The following SORD variants were observed in gnomAD, a reference collection of about 807,000 sequenced individuals.
SORD encodes the protein sorbitol dehydrogenase, also known as (R,R)-butanediol dehydrogenase.
SORD carries 18 observed loss-of-function variants against 35.6 expected under a neutral mutation model. The observed-to-expected ratio is 0.51, with a 90% confidence interval of 0.35 to 0.75. The LOEUF is 0.75. Ranked by LOEUF, SORD falls within the 30% of genes least tolerant of loss-of-function variation. SORD has a pLI of 0.01. For missense variants in SORD, 250 were observed against 390.2 expected (o/e 0.64, Z 3.03); for synonymous variants, 106 against 152.9 (o/e 0.69, Z 2.26).
chr15:45,040,494 T>C lies in SORD; in HGVS notation c.100+53T>C. ...TTTTATTATTTCCTGTTGTTTCCTT[T>C]GGAGTCACATGTATATTGTTCCCTT... On this transcript the variant is annotated intron_variant, in intron 2 of 8. Transcript: ENST00000267814. 4.5e-6 allele frequency: 6 copies of C among 1,320,048 alleles called. No individual in the cohort carries two copies. The South Asian group carries it at 7.2e-5, about 16-fold the overall frequency. The allele number at this position is 1,320,048 out of a possible 1,614,324, so 81.8% of individuals were successfully genotyped here.
chr15:45,050,067 C>T (rs931154587), intron 3 of SORD, among the ~76,000 whole-genome samples: 7 of 152,140 alleles, frequency 4.6e-5, no homozygotes, highest in Non-Finnish European at 8.8e-5. Context: ...CTCTGTTTTG[C>T]GAGGAACTTC....
chr15:45,051,518 T>C (rs1032815825), intron 3 of SORD, among the ~76,000 whole-genome samples: 1 of 152,222 alleles, frequency 6.6e-6, no homozygotes, highest in Non-Finnish European at 1.5e-5. Context: ...CTTGATATTA[T>C]GAAGTACAAT....
chr15:45,058,780 T>A (rs1166742222), intron 3 of SORD: 1 of 152,140 alleles, frequency 6.6e-6, no homozygotes, highest in African/African-American at 2.4e-5. Context: ...AATACGAAGG[T>A]TTTTATAAGA....
chr15:45,037,699 G>A (rs1325982812), intron 1 of SORD, among the ~76,000 whole-genome samples: 7 of 151,790 alleles, frequency 4.6e-5, no homozygotes, highest in Admixed American at 1.3e-4. Context: ...ACTAACACAG[G>A]AACAGAAAAC....
At chr15:45,069,231 GA>G (rs1566965398) in intron 7 of SORD, among the ~76,000 whole-genome samples, 179 bp downstream of exon 7, 2 of 105,330 alleles carry the variant, frequency 1.9e-5, no homozygotes, top group South Asian at 6.7e-4. Flanking sequence ...TTTTGAGACA[GA>G]GTCTCACTCA....
At chr15:45,066,696 G>C (rs927464675) in intron 5 of SORD, among the ~76,000 whole-genome samples, 17 of 152,236 alleles carry the variant, frequency 1.1e-4, no homozygotes, top group African/African-American at 4.1e-4. Flanking sequence ...CCTTGTGGGT[G>C]TGATCTGGTG....
intron 4 of SORD, among the ~76,000 whole-genome samples, chr15:45,061,431 T>A (rs1893305499): frequency 6.6e-6 from 1 of 152,228 alleles, no homozygotes; most frequent in African/African-American, 2.4e-5. Context: ...GGTTTTAGTC[T>A]TTCAGTTTCA....
intron 7 of SORD, among the ~76,000 whole-genome samples, chr15:45,069,651 T>A (rs1379131897): frequency 1.3e-5 from 2 of 152,154 alleles, no homozygotes; most frequent in Non-Finnish European, 2.9e-5. Context: ...ATGATCATAT[T>A]TGTTAAAAGT....
intron 3 of SORD, among the ~76,000 whole-genome samples, chr15:45,051,245 T>C (rs184996411): frequency 6.6e-6 from 1 of 152,368 alleles, no homozygotes; most frequent in East Asian, 1.9e-4. Flanking sequence ...TTATGATTGA[T>C]AGCAAATACT....
chr15:45,070,967 C>T (rs1893502376), intron 7 of SORD, among the ~76,000 whole-genome samples: 1 of 152,212 alleles, frequency 6.6e-6, no homozygotes, highest in Admixed American at 6.5e-5. Flanking sequence ...TCTCTCCTGA[C>T]GTCACGCATG....
intron 3 of SORD, among the ~76,000 whole-genome samples, chr15:45,045,416 C>T (rs1339049343): frequency 6.6e-6 from 1 of 151,704 alleles, no homozygotes; most frequent in Non-Finnish European, 1.5e-5. Flanking sequence ...ACCTATAATC[C>T]CAGCTACTTG....
intron 1 of SORD, among the ~76,000 whole-genome samples, chr15:45,031,440 T>C (rs973726090): frequency 1.3e-5 from 2 of 152,238 alleles, no homozygotes; most frequent in Admixed American, 1.3e-4. Context: ...AGGAGTGTTG[T>C]TGCTGTTCTT....
chr15:45,026,844 G>A (rs796808790), intron 1 of SORD, among the ~76,000 whole-genome samples: 26,003 of 140,520 alleles, frequency 0.19, no homozygotes, highest in African/African-American at 0.44. Context: ...GCCAGCGTCT[G>A]GGGCAGTGGT....
At chr15:45,066,758 C>T (rs2854440) in intron 5 of SORD, among the ~76,000 whole-genome samples, 103,684 of 152,114 alleles carry the variant, frequency 0.68, 42,244 homozygotes, top group South Asian at 0.9. Flanking sequence ...AGTGATCACA[C>T]GGCTTCCTAA....
At chr15:45,042,155 G>C (rs2141270088) in intron 2 of SORD, among the ~76,000 whole-genome samples, 1 of 152,176 alleles carries the variant, frequency 6.6e-6, no homozygotes, top group Middle Eastern at 3.4e-3. Context: ...GTACTTATTG[G>C]TACTTATTTC....
intron 1 of SORD, among the ~76,000 whole-genome samples, chr15:45,029,333 C>T (rs796357187): frequency 3.3e-5 from 5 of 152,078 alleles, no homozygotes; most frequent in African/African-American, 1.2e-4. Context: ...ATTTTCCTCT[C>T]AAAGTGATGC....
chr15:45,035,379 A>T (rs1361337148), intron 1 of SORD, among the ~76,000 whole-genome samples: 1 of 152,138 alleles, frequency 6.6e-6, no homozygotes, highest in East Asian at 1.9e-4. Flanking sequence ...TATTTAGCTC[A>T]AGGTTTGTAA....
At chr15:45,048,905 T>A (rs1893085993) in intron 3 of SORD, among the ~76,000 whole-genome samples, 3 of 152,200 alleles carry the variant, frequency 2.0e-5, no homozygotes, top group Admixed American at 2.0e-4. Flanking sequence ...TAGCTGCGTG[T>A]GTAGCTTCCC....
intron 1 of SORD, among the ~76,000 whole-genome samples, chr15:45,038,013 C>T (rs1380823650): frequency 5.3e-5 from 8 of 152,070 alleles, no homozygotes; most frequent in South Asian, 2.1e-4. Context: ...CTTTACACAG[C>T]GGTCCCTGAT....
Sources: allele counts gnomAD v4.1 joint callset (sites outside exome capture counted in the v4.1 genomes callset), GRCh38; gene constraint gnomAD v4.1.1; transcripts MANE v1.5; gene names NCBI Gene and HGNC (gene_info 2026-07-23, HGNC 2026-07-21).